Variants in PHF24 observed in about 807,000 individuals in gnomAD.
The protein encoded by PHF24 is Galpha inhibitory interacting protein.
Under a neutral mutation model 42.6 loss-of-function variants are expected in PHF24, and 25 were observed. The observed-to-expected ratio is 0.59, with a 90% CI of 0.43 to 0.82. The LOEUF is 0.82. Among genes scored for constraint, PHF24 ranks in the 40% least tolerant of loss-of-function variants. The pLI is 0.00. For missense variants in PHF24, 470 were observed against 538.1 expected, an observed-to-expected ratio of 0.87 and a Z score of 1.25; for synonymous variants, 185 against 204.8, an observed-to-expected ratio of 0.90 and a Z score of 0.83.
the PHF24 span, chr9:34,832,693 G>A: frequency 6.5e-7 from 1 of 1,543,838 alleles, no homozygotes. Flanking sequence ...GTAAGGCTGG[G>A]CTTCTTTTGA....
chr9:34,673,342 A>G, the PHF24 span, among the ~76,000 whole-genome samples: 2 of 84,712 alleles, frequency 2.4e-5, no homozygotes, highest in Non-Finnish European at 2.4e-5. Flanking sequence ...CTACAGAGCG[A>G]GACTCTATTT....
the PHF24 span, chr9:34,835,787 G>A: frequency 6.5e-7 from 1 of 1,549,274 alleles, no homozygotes. Flanking sequence ...AATTGTGACA[G>A]TGTTGGGTTT....
At chr9:34,956,613 TACA>T (rs1362373638), upstream of PHF24, among the ~76,000 whole-genome samples, 1 of 152,246 alleles carries the variant, frequency 6.6e-6, no homozygotes, top group Non-Finnish European at 1.5e-5. Context: ...ATGATGATGT[TACA>T]ACCTCCTTTT....
the PHF24 span, among the ~76,000 whole-genome samples, chr9:34,901,330 G>A: frequency 1.3e-5 from 2 of 152,188 alleles, no homozygotes; most frequent in Non-Finnish European, 2.9e-5. Context: ...GAACATGAAT[G>A]CAAAAGTTCT....
intron 1 of PHF24, among the ~76,000 whole-genome samples, chr9:34,964,408 A>T (rs767300113): frequency 6.6e-6 from 1 of 152,238 alleles, no homozygotes; most frequent in Non-Finnish European, 1.5e-5. Context: ...AAATTTTAAG[A>T]AGAGAAAATC....
At chr9:34,722,174 T>C in the PHF24 span, among the ~76,000 whole-genome samples, 2 of 152,108 alleles carry the variant, frequency 1.3e-5, no homozygotes, top group African/African-American at 2.4e-5. Context: ...AGTCTCAGGA[T>C]GAAATGGGGA....
the PHF24 span, among the ~76,000 whole-genome samples, chr9:34,915,591 A>G: frequency 3.9e-5 from 6 of 152,286 alleles, no homozygotes; most frequent in Non-Finnish European, 7.4e-5. Flanking sequence ...GGCAGGTATC[A>G]CCTGTTTCCA....
the PHF24 span, among the ~76,000 whole-genome samples, chr9:34,744,922 A>G: frequency 6.6e-6 from 1 of 152,212 alleles, no homozygotes; most frequent in African/African-American, 2.4e-5. Flanking sequence ...CATCTGCTCC[A>G]CCAGCCAGAC....
the PHF24 span, among the ~76,000 whole-genome samples, chr9:34,936,638 G>T: frequency 6.7e-6 from 1 of 149,844 alleles, no homozygotes; most frequent in African/African-American, 2.5e-5. Flanking sequence ...GCCTCTTCCC[G>T]GCCGCCATCC....
At chr9:34,833,166 C>T in the PHF24 span, 7 of 1,549,556 alleles carry the variant, frequency 4.5e-6, no homozygotes, top group South Asian at 4.8e-5. Context: ...TCTCTGTTTC[C>T]TGCTAGCATG....
chr9:34,888,133 A>G, the PHF24 span, among the ~76,000 whole-genome samples: 1 of 152,042 alleles, frequency 6.6e-6, no homozygotes, highest in Non-Finnish European at 1.5e-5. Context: ...CCTCCTTCCC[A>G]ACTAATGCCT....
At chr9:34,752,573 C>T in the PHF24 span, among the ~76,000 whole-genome samples, 1 of 152,242 alleles carries the variant, frequency 6.6e-6, no homozygotes, top group East Asian at 1.9e-4. Context: ...AAGCCCAGGA[C>T]CTGATAGCGT....
chr9:34,978,387 T>C (rs1046849116), exon 8 of PHF24: 6 of 465,796 alleles, frequency 1.3e-5, no homozygotes, highest in Admixed American at 1.0e-4. Context: ...ACCACACTTA[T>C]ATACATGTGC....
chr9:34,712,470 C>T, the PHF24 span, among the ~76,000 whole-genome samples: 1 of 151,996 alleles, frequency 6.6e-6, no homozygotes, highest in Admixed American at 6.6e-5. Flanking sequence ...TTTTTCTTCT[C>T]ATACTTGATA....
chr9:34,860,508 C>CTTTCAT, the PHF24 span, among the ~76,000 whole-genome samples: 1 of 152,060 alleles, frequency 6.6e-6, no homozygotes, highest in Admixed American at 6.6e-5. Flanking sequence ...AGGATTAAAA[C>CTTTCAT]TTTCATTTAT....
At chr9:34,777,685 G>A in the PHF24 span, among the ~76,000 whole-genome samples, 2 of 152,228 alleles carry the variant, frequency 1.3e-5, no homozygotes, top group African/African-American at 4.8e-5. Context: ...AGCCTGGGAT[G>A]TGGTAGCCCA....
At chr9:34,849,077 G>T in the PHF24 span, among the ~76,000 whole-genome samples, 1 of 152,198 alleles carries the variant, frequency 6.6e-6, no homozygotes, top group Admixed American at 6.5e-5. Context: ...TGTATATTCT[G>T]TTGATTTGGT....
chr9:34,720,247 A>T, the PHF24 span, among the ~76,000 whole-genome samples: 1 of 152,072 alleles, frequency 6.6e-6, no homozygotes, highest in Admixed American at 6.5e-5. Flanking sequence ...GATCGAGACC[A>T]TCCTGGCTAA....
the PHF24 span, chr9:34,895,765 G>A: frequency 2.5e-6 from 1 of 401,248 alleles, no homozygotes. Context: ...GTCTTTCACT[G>A]TCTTAGAACC....
Sources: allele counts gnomAD v4.1 joint callset (sites outside exome capture counted in the v4.1 genomes callset), GRCh38; gene constraint gnomAD v4.1.1; transcripts MANE v1.5; gene names NCBI Gene and HGNC (gene_info 2026-07-23, HGNC 2026-07-21).